CLCN2: variants seen among roughly 807,000 people sequenced by gnomAD.
CLCN2 encodes the protein chloride channel protein 2.
A neutral mutation model predicts 108.3 loss-of-function variants in CLCN2; 72 were observed. The observed-to-expected ratio is 0.66, with a 90% CI of 0.55 to 0.81. CLCN2 has a LOEUF of 0.81. Among genes scored for constraint, CLCN2 ranks in the 30% least tolerant of loss-of-function variants. CLCN2 has a pLI of 0.00. For synonymous variants in CLCN2, 471 were observed against 467.1 expected (o/e 1.01, Z -0.11); for missense variants, 1,048 against 1,205.2 (o/e 0.87, Z 1.93).
intron 1 of CLCN2, among the ~76,000 whole-genome samples, chr3:184,360,173 G>A (rs1711836981): frequency 6.6e-6 from 1 of 151,956 alleles, no homozygotes; most frequent in South Asian, 2.1e-4. Flanking sequence ...AGAATGGAGA[G>A]TATTAAGAGG....
chr3:184,349,725 T>C (rs1227896031), intron 22 of CLCN2, among the ~76,000 whole-genome samples: 1 of 152,108 alleles, frequency 6.6e-6, no homozygotes, highest in African/African-American at 2.4e-5. Context: ...CAGTGAGGTG[T>C]GATCCCCATT....
In CLCN2 at chr3:184,346,522, C is replaced by T. The variant is rs1395234929; in HGVS notation, c.*84G>A. On this transcript the variant is annotated 3_prime_UTR_variant, in exon 24 of 24. Transcript: ENST00000265593. The surrounding 1 kb of genome is among the most constrained non-coding windows in gnomAD (Gnocchi z 6.0). ...AGCCTCCAGCTGTAGCTGCCTCCTG[C>T]CTTCCGAAGGCAGAAGGAATGAAAG... 2.0e-6 allele frequency: 3 copies of T among 1,527,780 alleles called. No homozygotes were observed. Among genetic ancestry groups the T allele is most frequent in the African/African-American group, 2.7e-5 (2 of 73,368 alleles). 94.6% of individuals were successfully genotyped at this position (1,527,780 alleles called of 1,614,324 possible). A position where few individuals can be genotyped will look rare whatever the true frequency, so the allele number is the denominator to read the frequency against.
At chr3:184,350,007 A>AC (rs1727975326) in intron 22 of CLCN2, among the ~76,000 whole-genome samples, 1 of 152,172 alleles carries the variant, frequency 6.6e-6, no homozygotes, top group Admixed American at 6.5e-5. Flanking sequence ...TAATTGGGCG[A>AC]CTACCTATTG....
In CLCN2 at chr3:184,358,087, T is replaced by A. The variant is rs759271901; in HGVS notation, c.490A>T (p.Ile164Phe). 6.2e-7 allele frequency: 1 copy of A among 1,614,136 alleles called. No homozygotes were observed. The highest frequency in any genetic ancestry group is 8.5e-7 in the Non-Finnish European group (1 of 1,180,046). ...ILAPQAVGSG[I>F]PEMKTILRGV... is the part of the protein sequence containing the mutation. ...CGCAAGATGGTCTTCATCTCAGGGA[T>A]GCCAGAGCCTGGAGAGGGAACAGTC... The change falls in exon 5 of 24, where the codon ATC becomes TTC. Residue 164 changes from isoleucine (I) to phenylalanine (F), a missense_variant. Ile to Phe is a conservative substitution (Grantham distance 21). Transcript: ENST00000265593.
rs1393129969 is a variant in CLCN2 at position 184,346,438 on chromosome 3, T to C, written c.*168A>G. On this transcript the variant is annotated 3_prime_UTR_variant, in exon 24 of 24. Coordinates refer to ENST00000265593, the MANE Select transcript of CLCN2 (RefSeq NM_004366.6). This position sits in a 1 kb window ranked among gnomAD's most constrained non-coding sequence, Gnocchi z 6.0. ...TGTTGCAGGTGGGTAGTGGGTCAGA[T>C]TCCAGGTAGGATGAACTGGGAGAAG... The C allele has an allele frequency of 5.3e-6, 4 of 755,312 alleles. No homozygotes were observed. The highest frequency in any genetic ancestry group is 5.4e-5 in the East Asian group (2 of 36,902). 46.8% of individuals were successfully genotyped at this position (755,312 alleles called of 1,614,324 possible).
At position 184,346,558 on chromosome 3, in the gene CLCN2, T is replaced by C; in HGVS notation, c.*48A>G. Reference sequence around the variant, plus strand: ...CAGAAGGAATGAAAGATGCACATTCTGGGCTGACGGGCATGGCTAGCACCA... The same window carrying C: ...CAGAAGGAATGAAAGATGCACATTCCGGGCTGACGGGCATGGCTAGCACCA... On this transcript the variant is annotated 3_prime_UTR_variant, in exon 24 of 24. Transcript: ENST00000265593. The surrounding 1 kb of genome is among the most constrained non-coding windows in gnomAD (Gnocchi z 6.0). The C allele has an allele frequency of 1.9e-6, 3 of 1,602,726 alleles. No individual in the cohort carries two copies. Among genetic ancestry groups the C allele is most frequent in the Middle Eastern group, 1.7e-4 (1 of 5,846 alleles).
intron 22 of CLCN2, among the ~76,000 whole-genome samples, chr3:184,351,337 C>T (rs139059261): frequency 2.2e-4 from 33 of 152,172 alleles, no homozygotes; most frequent in Admixed American, 1.7e-3. Flanking sequence ...AGGCTGCCCC[C>T]CTTAGGAGTC....
chr3:184,356,715 G>C (rs1033039251), intron 10 of CLCN2: 23 of 481,504 alleles, frequency 4.8e-5, no homozygotes, highest in African/African-American at 3.7e-4. Context: ...ACACTCTCCA[G>C]GGAGCATTCC....
chr3:184,353,208 A>C, intron 17 of CLCN2, 42 bp downstream of exon 17: 1 of 1,613,100 alleles, frequency 6.2e-7, no homozygotes, highest in Non-Finnish European at 8.5e-7. Flanking sequence ...CAATCAGTCT[A>C]CACAATGACA....
At chr3:184,352,146 G>A (rs1419878552) in intron 21 of CLCN2, 29 bp from the exon 22 acceptor site, 8 of 1,601,842 alleles carry the variant, frequency 5.0e-6, no homozygotes, top group Admixed American at 3.3e-5. Context: ...GAGGTTTAGG[G>A]AGAAGGTGCC....
chr3:184,357,852 G>A lies in CLCN2; in HGVS notation c.620C>T (p.Pro207Leu). ...GSGMPLGKEG[P>L]FVHIASMCAA... ...ACACATGCTTGCGATATGCACAAAAGGGCCCTGCGGGGTGGGGCAGGCGGT... is the reference window on the plus strand; with the variant it reads ...ACACATGCTTGCGATATGCACAAAAAGGCCCTGCGGGGTGGGGCAGGCGGT... The change falls in exon 6 of 24, where the codon CCT becomes CTT. Residue 207 changes from proline (P) to leucine (L), a missense_variant. Physicochemically the swap from Pro to Leu is moderately conservative, Grantham distance 98. Transcript: ENST00000265593. 2 of 1,613,902 alleles carry A rather than the reference G, an allele frequency of 1.2e-6. No homozygotes were observed. Among genetic ancestry groups the A allele is most frequent in the Non-Finnish European group, 1.7e-6 (2 of 1,180,034 alleles).
chr3:184,361,395 G>GGCTCA lies in CLCN2; in HGVS notation c.63+17_63+21dup, dbSNP rs1276183773. On this transcript the variant is annotated intron_variant, in intron 1 of 23. Coordinates refer to ENST00000265593, the MANE Select transcript of CLCN2 (RefSeq NM_004366.6). The surrounding 1 kb of genome is among the most constrained non-coding windows in gnomAD (Gnocchi z 6.6). ...CAGGGGTCCCGGAGCGCACTCCTGGGGCTCAGCTCAGCTTCACTTACCAGG... is the reference window on the plus strand; with the variant it reads ...CAGGGGTCCCGGAGCGCACTCCTGGGGCTCAGCTCAGCTCAGCTTCACTTACCAGG... The GGCTCA allele has an allele frequency of 3.7e-6, 6 of 1,612,868 alleles. No individual in the cohort carries two copies. The highest frequency in any genetic ancestry group is 5.1e-6 in the Non-Finnish European group (6 of 1,179,226).
intron 15 of CLCN2, 76 bp from the exon 16 acceptor site, chr3:184,353,871 CAAG>C: frequency 6.4e-7 from 1 of 1,566,422 alleles, no homozygotes; most frequent in Non-Finnish European, 8.7e-7. Flanking sequence ...CCCAGGGCCA[CAAG>C]GAGGGCTCCA....
intron 20 of CLCN2, 23 bp downstream of exon 20, chr3:184,352,420 G>A (rs979908696): frequency 4.3e-6 from 7 of 1,612,978 alleles, no homozygotes; most frequent in Non-Finnish European, 5.9e-6. Flanking sequence ...CCGCCGAGAT[G>A]CTAGAAGAGC....
intron 1 of CLCN2, 86 bp from the exon 2 acceptor site, chr3:184,359,217 C>G (rs1711664151): frequency 6.7e-7 from 1 of 1,501,950 alleles, no homozygotes; most frequent in African/African-American, 1.4e-5. Context: ...CACTCCTCTT[C>G]TCCCAGCCCC....
chr3:184,351,390 C>T (rs1032160981), intron 22 of CLCN2, among the ~76,000 whole-genome samples: 1 of 152,218 alleles, frequency 6.6e-6, no homozygotes, highest in Non-Finnish European at 1.5e-5. Context: ...GTCTGCCTCG[C>T]CCACCCCAGG....
intron 13 of CLCN2, 70 bp downstream of exon 13, chr3:184,354,834 G>T: frequency 6.5e-7 from 1 of 1,542,062 alleles, no homozygotes; most frequent in Non-Finnish European, 9.0e-7. Context: ...CTTGGGCAGA[G>T]GGTTGGCTGG....
In CLCN2 at chr3:184,355,801, A is replaced by G. The variant is rs1328726714; in HGVS notation, c.1086-23T>C. The G allele has an allele frequency of 1.2e-6, 2 of 1,610,310 alleles. No homozygotes were observed. The highest frequency in any genetic ancestry group is 2.2e-5 in the East Asian group (1 of 44,816). On this transcript the variant is annotated intron_variant, in intron 10 of 23. Coordinates refer to ENST00000265593, the MANE Select transcript of CLCN2 (RefSeq NM_004366.6). The surrounding 1 kb of genome is among the most constrained non-coding windows in gnomAD (Gnocchi z 6.3). Reference sequence around the variant, plus strand: ...CGTCTAGAGTCGTAGGTTTCACATCAGTCGTGGGTGGCCAAGGGCTGGGTG... The same window carrying G: ...CGTCTAGAGTCGTAGGTTTCACATCGGTCGTGGGTGGCCAAGGGCTGGGTG...
rs1303886490 is a variant in CLCN2 at position 184,354,107 on chromosome 3, C to A, written c.1715G>T (p.Arg572Leu). 4 of 1,611,770 alleles carry A rather than the reference C, an allele frequency of 2.5e-6. No individual in the cohort carries two copies. Among genetic ancestry groups the A allele is most frequent in the Middle Eastern group, 1.7e-4 (1 of 6,032 alleles). The change falls in exon 15 of 24, where the codon CGC becomes CTC. Residue 572 changes from arginine to leucine, a missense_variant. By Grantham distance (102) the Arg-to-Leu change is moderately radical. Transcript: ENST00000265593. ...GGCACCCAGCCCTCCGTACTGGTGG[C>A]GGCCCCAGCCGAGCTCAGGCAGGTA... is the stretch of plus-strand genomic sequence containing the variant. ...LPYLPELGWG[R>L]HQQYRVRVED... is the part of the protein sequence containing the mutation.
Sources: allele counts gnomAD v4.1 joint callset (sites outside exome capture counted in the v4.1 genomes callset), GRCh38; gene constraint gnomAD v4.1.1; non-coding constraint Gnocchi (gnomAD v3.1); transcripts MANE v1.5; gene names NCBI Gene and HGNC (gene_info 2026-07-23, HGNC 2026-07-21).